Variants in CA10 observed in about 807,000 individuals in gnomAD.
CA10 encodes the protein carbonic anhydrase 10 (inactive).
A neutral mutation model predicts 44.2 loss-of-function variants in CA10; 14 were observed. That is an observed-to-expected ratio of 0.32 (90% CI 0.21 to 0.50). The LOEUF (loss-of-function observed/expected upper bound fraction) is 0.50, where lower values mean the gene tolerates loss of function less well. Ranked by LOEUF, CA10 falls within the 20% of genes least tolerant of loss-of-function variation. CA10 has a pLI of 0.99. For missense variants in CA10, 350 were observed against 409.7 expected, an observed-to-expected ratio of 0.85 and a Z score of 1.26; for synonymous variants, 159 against 141.6, an observed-to-expected ratio of 1.12 and a Z score of -0.87.
At chr17:51,752,301 A>C (rs980246596) in intron 3 of CA10, among the ~76,000 whole-genome samples, 11 of 151,236 alleles carry the variant, frequency 7.3e-5, no homozygotes, top group African/African-American at 2.4e-4. Flanking sequence ...GTTTTCAATG[A>C]ACTATTTGGG....
At chr17:51,856,027 G>A (rs1275267787) in intron 3 of CA10, among the ~76,000 whole-genome samples, 2 of 152,144 alleles carry the variant, frequency 1.3e-5, no homozygotes, top group Non-Finnish European at 2.9e-5. Context: ...TCAGCTCTGA[G>A]CAGGCATGCA....
At chr17:51,788,533 C>T (rs1016864431) in intron 3 of CA10, among the ~76,000 whole-genome samples, 2 of 152,262 alleles carry the variant, frequency 1.3e-5, no homozygotes, top group Middle Eastern at 3.4e-3. Context: ...GGTGGATATC[C>T]TAATTACCCT....
chr17:52,076,287 A>T (rs1425877376), intron 1 of CA10, among the ~76,000 whole-genome samples: 1 of 152,200 alleles, frequency 6.6e-6, no homozygotes, highest in Admixed American at 6.5e-5. Flanking sequence ...TTATCACCAA[A>T]AGCTTCTGTT....
rs187505029 is a variant in CA10 at position 51,763,918 on chromosome 17, C to T, written c.280-16100G>A. Among the ~76,000 whole-genome samples, 7 of 152,090 alleles carry T rather than the reference C, an allele frequency of 4.6e-5. No homozygotes were observed. In the East Asian group the frequency reaches 5.8e-4, roughly 13 times the overall value. On this transcript the variant is annotated intron_variant, in intron 3 of 8. Coordinates refer to ENST00000451037, the MANE Select transcript of CA10 (RefSeq NM_020178.5). Reference sequence around the variant, plus strand: ...ATCCCTCATCTTATTCTGACCCCTCCTCTCTGTCCCCCAGACATGGCCCAA... The same window carrying T: ...ATCCCTCATCTTATTCTGACCCCTCTTCTCTGTCCCCCAGACATGGCCCAA...
chr17:51,767,473 C>A (rs1288267632), intron 3 of CA10, among the ~76,000 whole-genome samples: 1 of 152,146 alleles, frequency 6.6e-6, no homozygotes, highest in Non-Finnish European at 1.5e-5. Flanking sequence ...AATCATTGTA[C>A]ATTTGTTACA....
chr17:52,083,377 T>C (rs946089036), intron 1 of CA10, among the ~76,000 whole-genome samples: 3 of 152,284 alleles, frequency 2.0e-5, no homozygotes, highest in African/African-American at 7.2e-5. Flanking sequence ...TGCTACTAAT[T>C]GTGTCACTTT....
intron 4 of CA10, among the ~76,000 whole-genome samples, chr17:51,733,627 G>A (rs180935433): frequency 6.5e-4 from 99 of 152,298 alleles, no homozygotes; most frequent in African/African-American, 2.3e-3. Flanking sequence ...ATGCCCCTGA[G>A]GTTTTAAAAG....
In CA10 at chr17:52,105,332, G is replaced by A. The variant is rs568327001; in HGVS notation, c.62-32939C>T. Among the ~76,000 whole-genome samples the A allele has an allele frequency of 3.9e-5, 6 of 151,984 alleles. No individual in the cohort carries two copies. In the South Asian group the frequency reaches 1.2e-3, roughly 31 times the overall value. On this transcript the variant is annotated intron_variant, in intron 1 of 8. Transcript: ENST00000451037. ...TGCAGTGGCACAATCTCGGCTCAGT[G>A]CAAGCTCCGCCTCCCGGGTTCACAC...
intron 4 of CA10, among the ~76,000 whole-genome samples, chr17:51,674,639 C>T (rs1169978302): frequency 1.3e-5 from 2 of 152,164 alleles, no homozygotes; most frequent in East Asian, 1.9e-4. Context: ...ACCTGTCATT[C>T]TTTCTTTTCT....
At chr17:52,115,882 A>G (rs1316318872) in intron 1 of CA10, among the ~76,000 whole-genome samples, 1 of 152,244 alleles carries the variant, frequency 6.6e-6, no homozygotes, top group African/African-American at 2.4e-5. Flanking sequence ...TCACAAGGTC[A>G]AGAGATCGAG....
At chr17:51,663,350 T>G (rs962734987) in intron 4 of CA10, among the ~76,000 whole-genome samples, 1 of 152,264 alleles carries the variant, frequency 6.6e-6, no homozygotes, top group South Asian at 2.1e-4. Flanking sequence ...CTCCCAGAAG[T>G]GACTTGTAGG....
intron 3 of CA10, among the ~76,000 whole-genome samples, chr17:51,873,162 A>C (rs1489669127): frequency 6.6e-6 from 1 of 152,192 alleles, no homozygotes; most frequent in African/African-American, 2.4e-5. Context: ...CAAAGTGGGG[A>C]CCATAATACT....
rs553756116 is a variant in CA10 at position 51,640,288 on chromosome 17, G to A, written c.635-4279C>T. Among the ~76,000 whole-genome samples, 14 of 152,250 alleles carry A rather than the reference G, an allele frequency of 9.2e-5. No individual in the cohort carries two copies. In the East Asian group the frequency reaches 1.9e-3, roughly 21 times the overall value. On this transcript the variant is annotated intron_variant, in intron 6 of 8. Coordinates refer to ENST00000451037, the MANE Select transcript of CA10 (RefSeq NM_020178.5). ...GGGCAAAAGCAAGGGAGGAAGAGAC[G>A]ACATCATTTATCAGATGAGGGGAAG...
chr17:51,994,168 A>G (rs1047581107), intron 2 of CA10, among the ~76,000 whole-genome samples: 10 of 152,044 alleles, frequency 6.6e-5, no homozygotes, highest in African/African-American at 2.4e-4. Context: ...TCAGAAAGAA[A>G]AAGGGCACAG....
At chr17:51,888,789 C>A (rs1233446932) in intron 3 of CA10, among the ~76,000 whole-genome samples, 7 of 152,134 alleles carry the variant, frequency 4.6e-5, no homozygotes, top group Non-Finnish European at 1.0e-4. Context: ...GTTCCCATTA[C>A]CTATTGCTAC....
intron 3 of CA10, chr17:51,763,372 C>G (rs2143641370): frequency 6.6e-6 from 1 of 152,288 alleles, no homozygotes; most frequent in Middle Eastern, 3.4e-3. Context: ...CAAATGGAAC[C>G]TTCCATCTCA....
chr17:52,092,911 A>G (rs1300937604), intron 1 of CA10, among the ~76,000 whole-genome samples: 1 of 152,160 alleles, frequency 6.6e-6, no homozygotes, highest in East Asian at 1.9e-4. Flanking sequence ...TAATTTGTCT[A>G]TGTAAGTCCT....
intron 1 of CA10, among the ~76,000 whole-genome samples, chr17:52,106,690 A>T (rs1407853948): frequency 1.3e-5 from 2 of 152,194 alleles, no homozygotes; most frequent in Non-Finnish European, 2.9e-5. Context: ...ACAGTAGATA[A>T]AGAAAAATTG....
chr17:51,633,143 T>C (rs980032654), intron 8 of CA10, among the ~76,000 whole-genome samples: 1 of 152,154 alleles, frequency 6.6e-6, no homozygotes, highest in Non-Finnish European at 1.5e-5. Context: ...TACAGGGGTT[T>C]TAAAGGTTTG....
Sources: gnomAD v4.1 joint callset for allele counts (sites outside exome capture counted in the v4.1 genomes callset) on GRCh38, gnomAD v4.1.1 for gene constraint, MANE v1.5 for transcripts, NCBI Gene and HGNC (gene_info 2026-07-23, HGNC 2026-07-21) for gene names.